KIF6: variants seen among roughly 807,000 people sequenced by gnomAD.
KIF6 encodes the protein kinesin family member 6, also known as kinesin-like protein KIF6.
KIF6 carries 106 observed loss-of-function variants against 112.7 expected under a neutral mutation model. The ratio of observed to expected loss-of-function variants is 0.94; its 90% CI spans 0.80 to 1.11. The LOEUF is 1.11. Ranked by LOEUF, KIF6 falls within the 50% of genes least tolerant of loss-of-function variation. KIF6 has a pLI of 0.00. For missense variants in KIF6, 929 were observed against 964.0 expected (o/e 0.96, Z 0.48); for synonymous variants, 339 against 339.9 (o/e 1.00, Z 0.03).
intron 14 of KIF6, among the ~76,000 whole-genome samples, chr6:39,427,699 TATGGCCACA>T (rs909597103): frequency 2.0e-5 from 3 of 152,224 alleles, no homozygotes; most frequent in African/African-American, 7.2e-5. Flanking sequence ...TCCCTTGCAC[TATGGCCACA>T]AGGAAGATGG....
intron 3 of KIF6, among the ~76,000 whole-genome samples, chr6:39,703,379 C>T (rs1178470816): frequency 2.0e-5 from 3 of 152,026 alleles, no homozygotes; most frequent in East Asian, 1.9e-4. Flanking sequence ...TGGGTAACCC[C>T]GCAGAAACCA....
intron 3 of KIF6, among the ~76,000 whole-genome samples, chr6:39,711,512 A>G (rs761192754): frequency 8.5e-5 from 13 of 152,114 alleles, no homozygotes; most frequent in Non-Finnish European, 8.8e-5. Context: ...TTGGAACTAT[A>G]GGCATGCACC....
At chr6:39,591,224 C>T (rs1271609282) in intron 7 of KIF6, among the ~76,000 whole-genome samples, 1 of 152,178 alleles carries the variant, frequency 6.6e-6, no homozygotes, top group Non-Finnish European at 1.5e-5. Context: ...CCGAGCTTCT[C>T]ATTGTTATGG....
At chr6:39,475,558 C>T (rs903087361) in intron 13 of KIF6, among the ~76,000 whole-genome samples, 9 of 152,182 alleles carry the variant, frequency 5.9e-5, no homozygotes, top group Admixed American at 6.5e-5. Flanking sequence ...AGGATTCTAA[C>T]CTGACATTTC....
At chr6:39,567,373 T>A (rs1325168652) in intron 10 of KIF6, among the ~76,000 whole-genome samples, 1 of 152,150 alleles carries the variant, frequency 6.6e-6, no homozygotes, top group African/African-American at 2.4e-5. Flanking sequence ...GGCATGACCA[T>A]CTTAAGATAG....
At chr6:39,720,063 CAA>C (rs1047701190) in intron 2 of KIF6, among the ~76,000 whole-genome samples, 1 of 151,972 alleles carries the variant, frequency 6.6e-6, no homozygotes, top group Non-Finnish European at 1.5e-5. Context: ...TACTTTTAAC[CAA>C]AGTTAGAAGT....
At chr6:39,367,437 C>T (rs768972595) in intron 16 of KIF6, among the ~76,000 whole-genome samples, 1 of 152,102 alleles carries the variant, frequency 6.6e-6, no homozygotes, top group Non-Finnish European at 1.5e-5. Context: ...GAGTGGCCTG[C>T]GAGGTCACAC....
At chr6:39,374,703 T>C (rs1766291882) in intron 16 of KIF6, among the ~76,000 whole-genome samples, 1 of 152,136 alleles carries the variant, frequency 6.6e-6, no homozygotes, top group South Asian at 2.1e-4. Context: ...TTAAAATGGC[T>C]ATAAGAAAGA....
intron 9 of KIF6, among the ~76,000 whole-genome samples, chr6:39,581,758 A>C (rs1172477283): frequency 6.6e-6 from 1 of 151,928 alleles, no homozygotes; most frequent in African/African-American, 2.4e-5. Flanking sequence ...CAGGGCTTTA[A>C]TCTCTATTCC....
intron 3 of KIF6, among the ~76,000 whole-genome samples, chr6:39,694,136 A>AC (rs61269419): frequency 2.0e-5 from 3 of 150,982 alleles, no homozygotes; most frequent in Non-Finnish European, 4.4e-5. Flanking sequence ...AAAAAAAAAA[A>AC]CCCTCAACAA....
chr6:39,557,830 G>A (rs1446931040), intron 10 of KIF6, among the ~76,000 whole-genome samples: 1 of 151,530 alleles, frequency 6.6e-6, no homozygotes, highest in Non-Finnish European at 1.5e-5. Flanking sequence ...AATAAAGGAT[G>A]AGTCCATTTT....
At chr6:39,721,441 C>G (rs538484700) in intron 1 of KIF6, among the ~76,000 whole-genome samples, 2 of 152,294 alleles carry the variant, frequency 1.3e-5, no homozygotes, top group South Asian at 2.1e-4. Flanking sequence ...ATCCTTAAGC[C>G]TTTCTAAGCT....
chr6:39,412,627 G>A (rs1220585989), intron 15 of KIF6, among the ~76,000 whole-genome samples: 1 of 152,064 alleles, frequency 6.6e-6, no homozygotes, highest in Non-Finnish European at 1.5e-5. Context: ...TATCTCATAT[G>A]CAATTGGTTA....
chr6:39,635,824 C>CT (rs756427367), intron 4 of KIF6, among the ~76,000 whole-genome samples: 62 of 152,168 alleles, frequency 4.1e-4, no homozygotes, highest in African/African-American at 1.3e-3. Context: ...ATAGCACCTT[C>CT]TTTTTCTTCC....
intron 7 of KIF6, among the ~76,000 whole-genome samples, chr6:39,594,016 A>C (rs1339323139): frequency 6.6e-6 from 1 of 152,216 alleles, no homozygotes; most frequent in African/African-American, 2.4e-5. Context: ...TCCAGTGCCT[A>C]GCACAGCCCT....
chr6:39,474,858 G>A (rs754906988), intron 13 of KIF6, among the ~76,000 whole-genome samples: 1 of 152,242 alleles, frequency 6.6e-6, no homozygotes, highest in African/African-American at 2.4e-5. Context: ...CCTACTGCCT[G>A]TGGCATAATC....
chr6:39,531,887 T>C (rs892679329), intron 13 of KIF6, among the ~76,000 whole-genome samples: 1 of 152,172 alleles, frequency 6.6e-6, no homozygotes, highest in African/African-American at 2.4e-5. Context: ...CAATCCCTTC[T>C]TCCCATGTCA....
chr6:39,534,176 C>T (rs1778261692), intron 13 of KIF6, among the ~76,000 whole-genome samples: 1 of 152,198 alleles, frequency 6.6e-6, no homozygotes, highest in South Asian at 2.1e-4. Context: ...CAAAGGAACG[C>T]AGTTCCTCAC....
chr6:39,336,808 T>C (rs1762932395), intron 22 of KIF6, among the ~76,000 whole-genome samples: 2 of 151,506 alleles, frequency 1.3e-5, no homozygotes, highest in East Asian at 3.9e-4. Flanking sequence ...TCCTTTTCTT[T>C]CTTTCTTTTT....
Sources: allele counts gnomAD v4.1 joint callset (sites outside exome capture counted in the v4.1 genomes callset), GRCh38; gene constraint gnomAD v4.1.1; transcripts MANE v1.5; gene names NCBI Gene and HGNC (gene_info 2026-07-23, HGNC 2026-07-21).